The following ZNF502 variants were observed in gnomAD, a reference collection of about 807,000 sequenced individuals.
The protein encoded by ZNF502 is zinc finger protein 502.
In ZNF502, 29 loss-of-function variants were observed where a neutral mutation model predicts 43.6. That is an observed-to-expected ratio of 0.67 (90% CI 0.50 to 0.91). The LOEUF is 0.91. Among genes scored for constraint, ZNF502 ranks in the 40% least tolerant of loss-of-function variants. The pLI is 0.00. For missense variants in ZNF502, 591 were observed against 647.2 expected, an observed-to-expected ratio of 0.91 and a Z score of 0.94; for synonymous variants, 171 against 207.4, an observed-to-expected ratio of 0.82 and a Z score of 1.51.
At position 44,722,401 on chromosome 3, in the gene ZNF502, C is replaced by T. The variant is rs1025916759; in HGVS notation, c.1584C>T (p.Phe528=). Residue 528 remains phenylalanine, a synonymous_variant, in exon 3 of 3, where the codon TTC becomes TTT. Transcript: ENST00000436624. ...PYECIECGKF[F]RHSSVLFRHQ... ...AGTGTATTGAGTGTGGAAAGTTCTT[C>T]AGACATAGTTCAGTCCTTTTCAGAC... 1.2e-5 allele frequency: 19 copies of T among 1,613,928 alleles called. No individual in the cohort carries two copies. Among genetic ancestry groups the T allele is most frequent in the Non-Finnish European group, 1.5e-5 (18 of 1,180,004 alleles).
intron 1 of ZNF502, among the ~76,000 whole-genome samples, chr3:44,718,013 A>G (rs1454523159): frequency 1.3e-5 from 2 of 152,164 alleles, no homozygotes; most frequent in Non-Finnish European, 2.9e-5. Flanking sequence ...ACATTGCTTT[A>G]AAGATTTTAT....
chr3:44,719,035 G>A (rs111751538), intron 1 of ZNF502, among the ~76,000 whole-genome samples: 89 of 150,222 alleles, frequency 5.9e-4, no homozygotes, highest in African/African-American at 1.9e-3. Context: ...GTGCAATGGC[G>A]CAATCTCAGC....
chr3:44,713,805 C>T (rs924399016), intron 1 of ZNF502, among the ~76,000 whole-genome samples: 1 of 152,118 alleles, frequency 6.6e-6, no homozygotes, highest in Non-Finnish European at 1.5e-5. Flanking sequence ...GTCGCGAACT[C>T]CCAACCTCAA....
In ZNF502 at chr3:44,722,378, T is replaced by A. The variant is rs372910385; in HGVS notation, c.1561T>A (p.Cys521Ser). ...RIHTGEKPYE[C>S]IECGKFFRHS... ...TCACACTGGTGAGAAGCCTTATGAGTGTATTGAGTGTGGAAAGTTCTTCAG... is the reference window on the plus strand; with the variant it reads ...TCACACTGGTGAGAAGCCTTATGAGAGTATTGAGTGTGGAAAGTTCTTCAG... Residue 521 changes from cysteine (C) to serine (S), a missense_variant, in exon 3 of 3, where the codon TGT becomes AGT. Physicochemically the swap from Cys to Ser is moderately radical, Grantham distance 112. Coordinates refer to ENST00000436624, the MANE Select transcript of ZNF502 (RefSeq NM_001134442.3). 2 of 1,614,050 alleles carry A rather than the reference T, an allele frequency of 1.2e-6. No individual in the cohort carries two copies. The highest frequency in any genetic ancestry group is 1.7e-6 in the Non-Finnish European group (2 of 1,180,034).
In ZNF502 at chr3:44,722,748, G is replaced by C. The variant is rs117528936; in HGVS notation, c.*296G>C. 3.6e-4 allele frequency: 114 copies of C among 320,152 alleles called. 1 individual carries two copies. The East Asian group carries it at 5.5e-3, about 16-fold the overall frequency. 19.8% of individuals were successfully genotyped at this position (320,152 alleles called of 1,614,324 possible). ...TGAGGAGGCATTTGTTAGCACTTCTGTTCACTTTACTACATCCTGCCCCAC... is the reference window on the plus strand; with the variant it reads ...TGAGGAGGCATTTGTTAGCACTTCTCTTCACTTTACTACATCCTGCCCCAC... On this transcript the variant is annotated 3_prime_UTR_variant, in exon 3 of 3. Coordinates refer to ENST00000436624, the MANE Select transcript of ZNF502 (RefSeq NM_001134442.3).
In ZNF502 at chr3:44,721,073, A is replaced by G. The variant is rs1559500418; in HGVS notation, c.256A>G (p.Ile86Val). 2 of 1,614,158 alleles carry G rather than the reference A, an allele frequency of 1.2e-6. No homozygotes were observed. Among genetic ancestry groups the G allele is most frequent in the Admixed American group, 1.7e-5 (1 of 60,022 alleles). Residue 86 changes from isoleucine to valine, a missense_variant, in exon 3 of 3, where the codon ATA becomes GTA. By Grantham distance (29) the Ile-to-Val change is conservative. Transcript: ENST00000436624. ...CLFQEGGFGR[I>V]TFIHKEAPPE... ...TTTCCAGGAAGGAGGTTTTGGGAGA[A>G]TAACTTTCATCCACAAAGAAGCACC...
At chr3:44,718,301 C>T (rs1229497993) in intron 1 of ZNF502, among the ~76,000 whole-genome samples, 1 of 152,170 alleles carries the variant, frequency 6.6e-6, no homozygotes, top group Non-Finnish European at 1.5e-5. Context: ...AGTCCCCATA[C>T]TGGACTACTG....
chr3:44,717,479 C>T (rs138779721), intron 1 of ZNF502, among the ~76,000 whole-genome samples: 1 of 145,276 alleles, frequency 6.9e-6, no homozygotes, highest in East Asian at 2.1e-4. Flanking sequence ...TGACACGATC[C>T]ATCCTCACCA....
Position 44,722,512 on chromosome 3 carries a change from G to A in ZNF502, c.*60G>A, listed in dbSNP as rs1704390655. 5 of 1,538,630 alleles carry A rather than the reference G, an allele frequency of 3.2e-6. No homozygotes were observed. The highest frequency in any genetic ancestry group is 4.4e-6 in the Non-Finnish European group (5 of 1,148,378). On this transcript the variant is annotated 3_prime_UTR_variant, in exon 3 of 3. Transcript: ENST00000436624. ...AGGATGACTACGAATCTGACTGGGA[G>A]TAGAGGGGCAGGTAGAGTTCCTGGA...
Position 44,723,092 on chromosome 3 carries a change from G to T in ZNF502, c.*640G>T, listed in dbSNP as rs531389940. 6.6e-6 allele frequency: 1 copy of T among 152,276 alleles called. No individual in the cohort carries two copies. Among genetic ancestry groups the T allele is most frequent in the African/African-American group, 2.4e-5 (1 of 41,544 alleles). 9.4% of individuals were successfully genotyped at this position (152,276 alleles called of 1,614,324 possible). A position where few individuals can be genotyped will look rare whatever the true frequency, so the allele number is the denominator to read the frequency against. On this transcript the variant is annotated 3_prime_UTR_variant, in exon 3 of 3. Transcript: ENST00000436624. ...AAAGAAGGCTTTCTTTCATTATCAG[G>T]GTGAAGGTCTTTCCTGATTCTTCCA...
rs1190117955 is a variant in ZNF502 at position 44,721,915 on chromosome 3, T to C, written c.1098T>C (p.Leu366=). Residue 366 remains leucine (L), a synonymous_variant, in exon 3 of 3, where the codon CTT becomes CTC. Coordinates refer to ENST00000436624, the MANE Select transcript of ZNF502 (RefSeq NM_001134442.3). ...CGKAFCQSPS[L]IKHQRIHTGE... is the part of the protein sequence containing the mutation. ...AAGCCTTTTGTCAGAGCCCATCTCT[T>C]ATTAAACACCAGCGAATTCATACTG... The C allele has an allele frequency of 6.2e-7, 1 of 1,614,104 alleles. No individual in the cohort carries two copies.
intron 1 of ZNF502, among the ~76,000 whole-genome samples, chr3:44,715,627 G>A (rs1471324903): frequency 6.6e-6 from 1 of 151,818 alleles, no homozygotes; most frequent in Non-Finnish European, 1.5e-5. Flanking sequence ...GATAATAGAG[G>A]ACATTTGAGG....
At chr3:44,718,370 C>T (rs908945949) in intron 1 of ZNF502, among the ~76,000 whole-genome samples, 18 of 152,212 alleles carry the variant, frequency 1.2e-4, no homozygotes, top group South Asian at 4.1e-4. Context: ...CTCACCACTA[C>T]GCAGATTATC....
At chr3:44,714,651 G>A (rs760456680) in intron 1 of ZNF502, 4 of 152,190 alleles carry the variant, frequency 2.6e-5, no homozygotes, top group African/African-American at 7.2e-5. Context: ...TCCATGATTG[G>A]AAGGATGTGG....
Position 44,721,264 on chromosome 3 carries a change from C to T in ZNF502, c.447C>T (p.Cys149=), listed in dbSNP as rs561390695. 5 of 1,614,094 alleles carry T rather than the reference C, an allele frequency of 3.1e-6. No homozygotes were observed. In the South Asian group the frequency reaches 5.5e-5, roughly 18 times the overall value. ...ACCAAAGTAAATGTCCAACTCTCTG[C>T]ACACAGAAAAAATCTTGGAAATGTA... ...ISDQSKCPTL[C]TQKKSWKCNE... is the part of the protein sequence containing the mutation. The change falls in exon 3 of 3, where the codon TGC becomes TGT. Residue 149 remains cysteine, a synonymous_variant. Transcript: ENST00000436624.
intron 1 of ZNF502, among the ~76,000 whole-genome samples, chr3:44,717,053 A>G (rs867904921): frequency 6.6e-6 from 1 of 152,092 alleles, no homozygotes; most frequent in South Asian, 2.1e-4. Context: ...AGATTTATCA[A>G]TTTTTGTCCT....
At chr3:44,716,838 T>C (rs1365772998) in intron 1 of ZNF502, among the ~76,000 whole-genome samples, 1 of 152,240 alleles carries the variant, frequency 6.6e-6, no homozygotes, top group South Asian at 2.1e-4. Context: ...TGTTTTGATA[T>C]GTTTACTGGC....
intron 2 of ZNF502, 55 bp from the exon 3 acceptor site, chr3:44,720,818 A>G: frequency 6.5e-7 from 1 of 1,533,256 alleles, no homozygotes; most frequent in Non-Finnish European, 8.7e-7. Context: ...TTACAGTTTC[A>G]GGGGCCTTCA....
intron 1 of ZNF502, among the ~76,000 whole-genome samples, chr3:44,718,342 C>A (rs1041701894): frequency 6.6e-6 from 1 of 152,184 alleles, no homozygotes; most frequent in African/African-American, 2.4e-5. Flanking sequence ...TTCAAGCCTT[C>A]ACCTTGCCCT....
Sources: allele counts gnomAD v4.1 joint callset (sites outside exome capture counted in the v4.1 genomes callset), GRCh38; gene constraint gnomAD v4.1.1; transcripts MANE v1.5; gene names NCBI Gene and HGNC (gene_info 2026-07-23, HGNC 2026-07-21).